The following ZNF106 variants were observed in gnomAD, a reference collection of about 807,000 sequenced individuals.
ZNF106 encodes the protein SH3-domain binding protein 3.
Under a neutral mutation model 195.1 loss-of-function variants are expected in ZNF106, and 67 were observed. The ratio of observed to expected loss-of-function variants is 0.34; its 90% CI spans 0.28 to 0.42. The LOEUF is 0.42. ZNF106 is among the 10% of genes least tolerant of loss of function. The pLI is 1.00. For synonymous variants in ZNF106, 784 were observed against 818.6 expected, an observed-to-expected ratio of 0.96 and a Z score of 0.72; for missense variants, 2,118 against 2,304.5, an observed-to-expected ratio of 0.92 and a Z score of 1.66.
At position 42,424,571 on chromosome 15, in the gene ZNF106, G is replaced by T. The variant is rs753543722; in HGVS notation, c.5190+263C>A. Reference sequence around the variant, plus strand: ...CACAATCATGGCTCACTGCAGCCTCGATCTTTGGTGCTCAAGTGATTCTCC... The same window carrying T: ...CACAATCATGGCTCACTGCAGCCTCTATCTTTGGTGCTCAAGTGATTCTCC... On this transcript the variant is annotated intron_variant, in intron 16 of 21. Transcript: ENST00000564754. The T allele has an allele frequency of 7.1e-4, 276 of 387,072 alleles. 1 individual carries two copies. Among genetic ancestry groups the T allele is most frequent in the Non-Finnish European group, 8.9e-4 (189 of 212,476 alleles). The allele number at this position is 387,072 out of a possible 1,614,324, so 24.0% of individuals were successfully genotyped here. A position where few individuals can be genotyped will look rare whatever the true frequency, so the allele number is the denominator to read the frequency against.
chr15:42,470,405 T>A (rs1395488090), intron 2 of ZNF106, among the ~76,000 whole-genome samples: 2 of 152,136 alleles, frequency 1.3e-5, no homozygotes, highest in Non-Finnish European at 1.5e-5. Context: ...ACCCATTTTG[T>A]TACTTTCTTA....
At position 42,417,249 on chromosome 15, in the gene ZNF106, G is replaced by A; in HGVS notation, c.*55C>T. The A allele has an allele frequency of 6.3e-7, 1 of 1,589,444 alleles. No homozygotes were observed. The highest frequency in any genetic ancestry group is 1.1e-5 in the South Asian group (1 of 90,298). ...AGGGAAGAGAGTGGCCTGTGTGGGGGGCCAATGTGAAAATAGTTCAACTAA... is the reference window on the plus strand; with the variant it reads ...AGGGAAGAGAGTGGCCTGTGTGGGGAGCCAATGTGAAAATAGTTCAACTAA... On this transcript the variant is annotated 3_prime_UTR_variant, in exon 22 of 22. Coordinates refer to ENST00000564754, the MANE Select transcript of ZNF106 (RefSeq NM_001366845.3).
chr15:42,448,835 G>T (rs2055872588), intron 5 of ZNF106, 130 bp from the exon 6 acceptor site: 3 of 855,914 alleles, frequency 3.5e-6, no homozygotes, highest in Non-Finnish European at 5.3e-6. Context: ...CCTTCAAGGG[G>T]CTCACAGTCT....
At chr15:42,445,969 C>A (rs1234991362) in intron 7 of ZNF106, among the ~76,000 whole-genome samples, 1 of 152,128 alleles carries the variant, frequency 6.6e-6, no homozygotes, top group Admixed American at 6.6e-5. Flanking sequence ...GGGAAGCAAC[C>A]AAGATGCCTC....
intron 5 of ZNF106, 34 bp downstream of exon 5, chr15:42,449,737 G>A (rs746282847): frequency 4.5e-6 from 7 of 1,567,408 alleles, no homozygotes; most frequent in Non-Finnish European, 8.6e-7. Context: ...AAAAGAAAGT[G>A]AGGAAAAAAA....
rs958888811 is a variant in ZNF106, at chr15:42,424,738, C to A, written c.5190+96G>T. 4 of 1,307,138 alleles carry A rather than the reference C, an allele frequency of 3.1e-6. No homozygotes were observed. In the South Asian group the frequency reaches 4.6e-5, roughly 15 times the overall value. The allele number at this position is 1,307,138 out of a possible 1,614,324, so 81.0% of individuals were successfully genotyped here. A position where few individuals can be genotyped will look rare whatever the true frequency, so the allele number is the denominator to read the frequency against. ...CAAGCGATCCCCCTGCCTCACCCTC[C>A]CAAAGTGCTGGGACTACAGACGTGA... On this transcript the variant is annotated intron_variant, in intron 16 of 21. Coordinates refer to ENST00000564754, the MANE Select transcript of ZNF106 (RefSeq NM_001366845.3).
chr15:42,430,911 C>G (rs369944789), intron 14 of ZNF106, among the ~76,000 whole-genome samples: 28 of 152,124 alleles, frequency 1.8e-4, no homozygotes, highest in African/African-American at 6.3e-4. Context: ...TCCCAAAGCA[C>G]TAGAATTACA....
At chr15:42,476,868 A>T (rs942476936) in intron 1 of ZNF106, among the ~76,000 whole-genome samples, 1 of 152,166 alleles carries the variant, frequency 6.6e-6, no homozygotes, top group African/African-American at 2.4e-5. Flanking sequence ...CTTAATAATA[A>T]TATCTTTTCT....
chr15:42,443,353 C>T (rs1186761462), intron 9 of ZNF106, among the ~76,000 whole-genome samples: 2 of 151,976 alleles, frequency 1.3e-5, no homozygotes, highest in Admixed American at 6.6e-5. Context: ...AGAAACTGGC[C>T]AGGCGTGGTG....
intron 14 of ZNF106, among the ~76,000 whole-genome samples, chr15:42,433,496 T>C (rs1458624000): frequency 1.3e-5 from 2 of 150,830 alleles, no homozygotes; most frequent in Admixed American, 6.6e-5. Flanking sequence ...CTTTTCTTTT[T>C]TTTTTGGACA....
intron 3 of ZNF106, among the ~76,000 whole-genome samples, chr15:42,464,293 T>C (rs1160482702): frequency 6.7e-6 from 1 of 148,594 alleles, no homozygotes; most frequent in African/African-American, 2.5e-5. Flanking sequence ...TGAGCTGAGA[T>C]AGCACCACTG....
In ZNF106 at chr15:42,417,789, A is replaced by G. The variant is rs1400320561; in HGVS notation, c.5664+16T>C. ...TCTACTGAATCCCAGGCAAACCTCA[A>G]GTCCCACTAATGTACCTGTTTGGAT... On this transcript the variant is annotated intron_variant, in intron 21 of 21. Transcript: ENST00000564754. 2 of 1,607,480 alleles carry G rather than the reference A, an allele frequency of 1.2e-6. No homozygotes were observed. The highest frequency in any genetic ancestry group is 3.4e-5 in the Admixed American group (2 of 58,740).
intron 5 of ZNF106, 21 bp from the exon 6 acceptor site, chr15:42,448,726 T>C: frequency 1.3e-6 from 2 of 1,569,020 alleles, no homozygotes; most frequent in Non-Finnish European, 1.7e-6. Flanking sequence ...AAAGAAAAAA[T>C]GAAAACATAA....
At chr15:42,483,074 T>C (rs1250783146) in intron 1 of ZNF106, among the ~76,000 whole-genome samples, 1 of 152,152 alleles carries the variant, frequency 6.6e-6, no homozygotes, top group African/African-American at 2.4e-5. Context: ...CTACATGACA[T>C]AGATCAGGGC....
At position 42,442,273 on chromosome 15, in the gene ZNF106, G is replaced by A. The variant is rs774837873; in HGVS notation, c.3563C>T (p.Ser1188Phe). Residue 1188 changes from serine to phenylalanine, a missense_variant, in exon 10 of 22, where the codon TCC becomes TTC. By Grantham distance (155) the Ser-to-Phe change is radical. Transcript: ENST00000564754. ...TCCGGTGGGTGATGGAGACACATGG[G>A]AAGATGGAGGCTCCAGAAAAAGTGG... is the stretch of plus-strand genomic sequence containing the variant. ...FFPLFLEPPS[S>F]HVSPSPTGAS... 3 of 1,614,052 alleles carry A rather than the reference G, an allele frequency of 1.9e-6. No homozygotes were observed. In the South Asian group the frequency reaches 3.3e-5, roughly 18 times the overall value.
In ZNF106 at chr15:42,413,724, T is replaced by C. The variant is rs1257440006; in HGVS notation, c.*3580A>G. ...TCTAAATTAAAGGTAAGTCAGGAGC[T>C]GAACACTCAACTGTTAACTCTTCTG... On this transcript the variant is annotated 3_prime_UTR_variant, in exon 22 of 22. Coordinates refer to ENST00000564754, the MANE Select transcript of ZNF106 (RefSeq NM_001366845.3). 2 of 152,640 alleles carry C rather than the reference T, an allele frequency of 1.3e-5. No individual in the cohort carries two copies. The highest frequency in any genetic ancestry group is 1.3e-4 in the Admixed American group (2 of 15,276). 9.5% of individuals were successfully genotyped at this position (152,640 alleles called of 1,614,324 possible). A position where few individuals can be genotyped will look rare whatever the true frequency, so the allele number is the denominator to read the frequency against.
Position 42,415,564 on chromosome 15 carries a change from A to G in ZNF106, c.*1740T>C, listed in dbSNP as rs2054422542. 2 of 447,082 alleles carry G rather than the reference A, an allele frequency of 4.5e-6. No individual in the cohort carries two copies. The highest frequency in any genetic ancestry group is 9.0e-6 in the Non-Finnish European group (2 of 222,418). The allele number at this position is 447,082 out of a possible 1,614,324, so 27.7% of individuals were successfully genotyped here. A position where few individuals can be genotyped will look rare whatever the true frequency, so the allele number is the denominator to read the frequency against. On this transcript the variant is annotated 3_prime_UTR_variant, in exon 22 of 22. Transcript: ENST00000564754. Reference sequence around the variant, plus strand: ...AAGCCTATCCATAAACCCCCTGGTGAAGTCCCCCTGCCCGATAGCCTGAGG... The same window carrying G: ...AAGCCTATCCATAAACCCCCTGGTGGAGTCCCCCTGCCCGATAGCCTGAGG...
At chr15:42,474,537 T>C (rs2056747234) in intron 1 of ZNF106, among the ~76,000 whole-genome samples, 1 of 152,028 alleles carries the variant, frequency 6.6e-6, no homozygotes, top group South Asian at 2.1e-4. Flanking sequence ...GGTGATAGGA[T>C]CACTTGAGGA....
At chr15:42,440,876 G>A (rs901102965) in intron 10 of ZNF106, among the ~76,000 whole-genome samples, 11 of 145,794 alleles carry the variant, frequency 7.5e-5, no homozygotes, top group African/African-American at 1.5e-4. Flanking sequence ...CCAGCTATTC[G>A]GGAGGCTGAG....
Sources: gnomAD v4.1 joint callset for allele counts (sites outside exome capture counted in the v4.1 genomes callset) on GRCh38, gnomAD v4.1.1 for gene constraint, MANE v1.5 for transcripts, NCBI Gene and HGNC (gene_info 2026-07-23, HGNC 2026-07-21) for gene names.